Variants in MTUS2 observed in about 807,000 individuals in gnomAD.
MTUS2 encodes microtubule-associated tumor suppressor candidate 2.
A neutral mutation model predicts 114.1 loss-of-function variants in MTUS2; 40 were observed. The ratio of observed to expected loss-of-function variants is 0.35; its 90% CI spans 0.27 to 0.46. The LOEUF is 0.46. Among genes scored for constraint, MTUS2 ranks in the 20% least tolerant of loss-of-function variants. The pLI, the probability that MTUS2 is intolerant of heterozygous loss-of-function variation, is 1.00. For missense variants in MTUS2, 1,679 were observed against 1,705.4 expected, an observed-to-expected ratio of 0.98 and a Z score of 0.27; for synonymous variants, 688 against 672.0, an observed-to-expected ratio of 1.02 and a Z score of -0.37.
At chr13:28,899,610 C>A (rs560253613) in intron 2 of MTUS2, among the ~76,000 whole-genome samples, 214 of 152,198 alleles carry the variant, frequency 1.4e-3, no homozygotes, top group African/African-American at 4.4e-3. Context: ...CGGGGTTTCA[C>A]CCTGTTAGCC....
chr13:29,195,599 C>T lies in MTUS2; in HGVS notation c.2645-86105C>T, dbSNP rs118084869. Among the ~76,000 whole-genome samples the T allele has an allele frequency of 2.6e-3, 386 of 146,038 alleles. 6 individuals carry two copies. The East Asian group carries it at 0.067, about 26-fold the overall frequency. Reference sequence around the variant, plus strand: ...TCAGTACATCACAGTCCTTCCGGCTCATGTTGAAAGATGCAGAGAGTGTCA... The same window carrying T: ...TCAGTACATCACAGTCCTTCCGGCTTATGTTGAAAGATGCAGAGAGTGTCA... On this transcript the variant is annotated intron_variant, in intron 5 of 15. Coordinates refer to ENST00000612955, the MANE Select transcript of MTUS2 (RefSeq NM_001033602.4).
At chr13:29,129,814 C>G (rs1284039375) in intron 5 of MTUS2, among the ~76,000 whole-genome samples, 1 of 152,094 alleles carries the variant, frequency 6.6e-6, no homozygotes, top group Non-Finnish European at 1.5e-5. Context: ...CTTGGGCTGT[C>G]ATCATGAAGC....
rs2139636650 is a variant in MTUS2, at chr13:29,309,620, G to A, written c.2807-14993G>A. Among the ~76,000 whole-genome samples the A allele has an allele frequency of 1.3e-5, 2 of 151,260 alleles. 1 individual carries two copies. Among genetic ancestry groups the A allele is most frequent in the Middle Eastern group, 6.8e-3 (2 of 294 alleles). On this transcript the variant is annotated intron_variant, in intron 6 of 15. Transcript: ENST00000612955. ...TAATGAAATAATATGAACATTTGTT[G>A]TGTAAAAAAATTTAGATTTCAACAT...
At chr13:28,951,971 A>C (rs1882831856) in intron 2 of MTUS2, among the ~76,000 whole-genome samples, 1 of 152,158 alleles carries the variant, frequency 6.6e-6, no homozygotes, top group African/African-American at 2.4e-5. Flanking sequence ...GGCTGGTGAT[A>C]GAGTGCCTGT....
chr13:29,389,357 A>G (rs12864503), intron 8 of MTUS2, among the ~76,000 whole-genome samples: 778 of 42,444 alleles, frequency 0.018, 50 homozygotes, highest in Non-Finnish European at 0.029. Flanking sequence ...GTGTGTATAT[A>G]TGTATGCACG....
intron 7 of MTUS2, among the ~76,000 whole-genome samples, chr13:29,350,947 C>CATATATATATTTCATATAT (rs1869184860): frequency 1.1e-5 from 1 of 92,846 alleles, no homozygotes; most frequent in African/African-American, 3.3e-5. Flanking sequence ...GGAATTAGGG[C>CATATATATATTTCATATAT]ATATATATAT....
At chr13:29,449,972 C>G (rs1214330242) in intron 9 of MTUS2, among the ~76,000 whole-genome samples, 1 of 152,196 alleles carries the variant, frequency 6.6e-6, no homozygotes, top group Admixed American at 6.5e-5. Flanking sequence ...TCCCCGTCCT[C>G]GGGGACCCAG....
chr13:29,325,826 A>G (rs1337409165), intron 7 of MTUS2, among the ~76,000 whole-genome samples: 1 of 152,194 alleles, frequency 6.6e-6, no homozygotes, highest in Admixed American at 6.5e-5. Context: ...CATGTGAGGA[A>G]AGTGAGGCAC....
chr13:29,373,588 C>T lies in MTUS2; in HGVS notation c.3117+14115C>T, dbSNP rs542562791. Among the ~76,000 whole-genome samples the T allele has an allele frequency of 4.6e-5, 7 of 152,296 alleles. No individual in the cohort carries two copies. The East Asian group carries it at 1.4e-3, about 29-fold the overall frequency. On this transcript the variant is annotated intron_variant, in intron 8 of 15. Coordinates refer to ENST00000612955, the MANE Select transcript of MTUS2 (RefSeq NM_001033602.4). ...TTTGAGAATTGAACTACAGAGCAAA[C>T]CATCACCAGAGTGCTAGACTGGCCA...
At chr13:28,897,990 T>A (rs1213394888) in intron 2 of MTUS2, among the ~76,000 whole-genome samples, 1 of 151,908 alleles carries the variant, frequency 6.6e-6, no homozygotes, top group Non-Finnish European at 1.5e-5. Flanking sequence ...ACACGGCACA[T>A]GTATACATAT....
chr13:28,868,139 C>G (rs1453322919), intron 2 of MTUS2, among the ~76,000 whole-genome samples: 2 of 152,196 alleles, frequency 1.3e-5, no homozygotes, highest in East Asian at 1.9e-4. Context: ...ATGTCAGCAG[C>G]ACTTTCTCAC....
At chr13:29,104,961 C>T (rs998339520) in intron 5 of MTUS2, among the ~76,000 whole-genome samples, 12 of 152,066 alleles carry the variant, frequency 7.9e-5, no homozygotes, top group East Asian at 1.9e-4. Context: ...AATTTAGTGT[C>T]GGAAACATAC....
chr13:28,968,109 G>T (rs1289167834), intron 2 of MTUS2, among the ~76,000 whole-genome samples: 4 of 152,126 alleles, frequency 2.6e-5, no homozygotes, highest in African/African-American at 9.7e-5. Flanking sequence ...CTGCATGACT[G>T]TATAGAAAGT....
chr13:29,211,611 T>C (rs1175589393), intron 5 of MTUS2, among the ~76,000 whole-genome samples: 7 of 152,262 alleles, frequency 4.6e-5, no homozygotes, highest in Non-Finnish European at 1.0e-4. Context: ...GGTCTGAGAG[T>C]GCCCACGGAA....
At chr13:29,280,441 C>G (rs1898223984) in intron 5 of MTUS2, among the ~76,000 whole-genome samples, 25 of 152,016 alleles carry the variant, frequency 1.6e-4, no homozygotes, top group Admixed American at 1.6e-3. Flanking sequence ...TTAGAAACAA[C>G]AGAAATCTCC....
At chr13:29,411,266 G>A (rs1419377528) in intron 8 of MTUS2, among the ~76,000 whole-genome samples, 1 of 152,206 alleles carries the variant, frequency 6.6e-6, no homozygotes, top group South Asian at 2.1e-4. Flanking sequence ...GGCACAAGGT[G>A]TAATGTAGAC....
At chr13:29,078,315 A>G (rs991802598) in intron 4 of MTUS2, among the ~76,000 whole-genome samples, 2 of 152,330 alleles carry the variant, frequency 1.3e-5, no homozygotes, top group East Asian at 1.9e-4. Flanking sequence ...TTCCACCTGC[A>G]TGAGAGGAGT....
chr13:29,015,908 C>T (rs554302146), intron 2 of MTUS2, among the ~76,000 whole-genome samples: 8 of 151,344 alleles, frequency 5.3e-5, no homozygotes, highest in Non-Finnish European at 1.0e-4. Context: ...AAGATTCGTT[C>T]TTCTTCTTTT....
chr13:29,249,988 C>G (rs993892903), intron 5 of MTUS2, among the ~76,000 whole-genome samples: 5 of 152,124 alleles, frequency 3.3e-5, no homozygotes, highest in African/African-American at 1.2e-4. Flanking sequence ...GATGAAATAA[C>G]CAAAAGCAAT....
Sources: gnomAD v4.1 joint callset for allele counts (sites outside exome capture counted in the v4.1 genomes callset) on GRCh38, gnomAD v4.1.1 for gene constraint, MANE v1.5 for transcripts, NCBI Gene and HGNC (gene_info 2026-07-23, HGNC 2026-07-21) for gene names.